Variants in CNOT2 observed in about 807,000 individuals in gnomAD.
The protein encoded by CNOT2 is CC chemokine receptor 4-negative regulator of transcription 2.
Under a neutral mutation model 72.1 loss-of-function variants are expected in CNOT2, and 7 were observed. The observed-to-expected ratio is 0.10, with a 90% CI of 0.06 to 0.18. The LOEUF (loss-of-function observed/expected upper bound fraction) is 0.18, where lower values mean the gene tolerates loss of function less well. Among genes scored for constraint, CNOT2 ranks in the 10% least tolerant of loss-of-function variants. The pLI is 1.00. For missense variants in CNOT2, 345 were observed against 660.3 expected (o/e 0.52, Z 5.23); for synonymous variants, 196 against 225.6 (o/e 0.87, Z 1.17).
intron 2 of CNOT2, among the ~76,000 whole-genome samples, chr12:70,310,617 T>A (rs1047343064): frequency 6.6e-6 from 1 of 152,072 alleles, no homozygotes; most frequent in Admixed American, 6.6e-5. Context: ...TATTGGCCAT[T>A]TTTGAAGAGT....
At chr12:70,343,488 A>G (rs1223080284) in intron 13 of CNOT2, among the ~76,000 whole-genome samples, 1 of 152,202 alleles carries the variant, frequency 6.6e-6, no homozygotes, top group African/African-American at 2.4e-5. Context: ...TATTTAAACA[A>G]ACTGAAAAGC....
rs189596966 is a variant in CNOT2, at chr12:70,354,782, C to T, written c.*867C>T. Reference sequence around the variant, plus strand: ...GGAACTGCTGGTCAGGGGACTTTGTCGCCCTGTGCACTAAAAGGGCCAGAT... The same window carrying T: ...GGAACTGCTGGTCAGGGGACTTTGTTGCCCTGTGCACTAAAAGGGCCAGAT... On this transcript the variant is annotated 3_prime_UTR_variant, in exon 16 of 16. Coordinates refer to ENST00000229195, the MANE Select transcript of CNOT2 (RefSeq NM_014515.7). 2.0e-5 allele frequency: 3 copies of T among 152,586 alleles called. No homozygotes were observed. Among genetic ancestry groups the T allele is most frequent in the East Asian group, 1.9e-4 (1 of 5,166 alleles). The allele number at this position is 152,586 out of a possible 1,614,324, so 9.5% of individuals were successfully genotyped here. A position where few individuals can be genotyped will look rare whatever the true frequency, so the allele number is the denominator to read the frequency against.
intron 1 of CNOT2, among the ~76,000 whole-genome samples, chr12:70,260,863 T>G (rs1958712726): frequency 6.6e-6 from 1 of 151,988 alleles, no homozygotes; most frequent in Non-Finnish European, 1.5e-5. Flanking sequence ...ATTTTTTTTT[T>G]TTTTGCCTAA....
intron 4 of CNOT2, among the ~76,000 whole-genome samples, chr12:70,326,152 GTGTTGT>G (rs141459144): frequency 6.6e-5 from 10 of 151,736 alleles, no homozygotes; most frequent in Admixed American, 6.6e-4. Context: ...TCCTAATATT[GTGTTGT>G]TATTATCAAT....
At chr12:70,259,083 A>G (rs538100824) in intron 1 of CNOT2, among the ~76,000 whole-genome samples, 17 of 152,310 alleles carry the variant, frequency 1.1e-4, no homozygotes, top group Non-Finnish European at 2.5e-4. Flanking sequence ...TTCCCATTTT[A>G]CAGTTGAGTA....
chr12:70,303,868 C>G (rs1874634407), intron 2 of CNOT2, among the ~76,000 whole-genome samples: 1 of 152,152 alleles, frequency 6.6e-6, no homozygotes, highest in African/African-American at 2.4e-5. Flanking sequence ...TAGATTTGGT[C>G]TTTTCACATA....
chr12:70,347,914 G>A (rs1882400696), intron 15 of CNOT2: 1 of 152,150 alleles, frequency 6.6e-6, no homozygotes, highest in Admixed American at 6.5e-5. Flanking sequence ...TGCTTTTTAA[G>A]ATATGTAGTA....
At chr12:70,353,370 C>T (rs899385967) in intron 15 of CNOT2, among the ~76,000 whole-genome samples, 13 of 152,092 alleles carry the variant, frequency 8.5e-5, no homozygotes, top group South Asian at 2.1e-4. Context: ...CCACTGTGCG[C>T]GGCCCTGCTT....
intron 2 of CNOT2, among the ~76,000 whole-genome samples, chr12:70,304,071 TCTCTGC>T (rs2135930168): frequency 6.6e-6 from 1 of 152,336 alleles, no homozygotes; most frequent in South Asian, 2.1e-4. Context: ...TTTAAGGACT[TCTCTGC>T]ATTGGTTATT....
chr12:70,271,375 CTTTTTTTTTTT>C (rs11285130), intron 1 of CNOT2, among the ~76,000 whole-genome samples: 1 of 89,480 alleles, frequency 1.1e-5, no homozygotes, highest in African/African-American at 4.2e-5. Context: ...ATCACATTTC[CTTTTTTTTTTT>C]TTTTTTTTTT....
intron 2 of CNOT2, among the ~76,000 whole-genome samples, chr12:70,310,232 G>T (rs1264516105): frequency 6.6e-6 from 1 of 151,992 alleles, no homozygotes; most frequent in African/African-American, 2.4e-5. Flanking sequence ...GATAGCAAGT[G>T]ACAACAATTT....
intron 2 of CNOT2, among the ~76,000 whole-genome samples, chr12:70,289,853 G>C (rs1023264602): frequency 8.6e-5 from 13 of 151,104 alleles, no homozygotes; most frequent in African/African-American, 2.9e-4. Flanking sequence ...CTCATTATCT[G>C]TTCTCTTTTA....
At chr12:70,271,531 G>C (rs989891734) in intron 1 of CNOT2, among the ~76,000 whole-genome samples, 1 of 151,758 alleles carries the variant, frequency 6.6e-6, no homozygotes, top group Non-Finnish European at 1.5e-5. Context: ...CCACCATCAC[G>C]CCTGGCTAAT....
At chr12:70,305,338 C>T (rs1875074144) in intron 2 of CNOT2, among the ~76,000 whole-genome samples, 1 of 152,132 alleles carries the variant, frequency 6.6e-6, no homozygotes, top group African/African-American at 2.4e-5. Context: ...TATTCACAAT[C>T]ATGAGAACAG....
At chr12:70,346,529 G>T in intron 15 of CNOT2, 1 of 398,332 alleles carries the variant, frequency 2.5e-6, no homozygotes. Context: ...TATTGAATTT[G>T]GTAAGAGGTT....
At chr12:70,300,650 G>A (rs914714668) in intron 2 of CNOT2, among the ~76,000 whole-genome samples, 1 of 152,160 alleles carries the variant, frequency 6.6e-6, no homozygotes, top group Non-Finnish European at 1.5e-5. Context: ...AAGTCAGGTA[G>A]CGTGATGCCT....
chr12:70,302,837 T>C (rs199895380), intron 2 of CNOT2, among the ~76,000 whole-genome samples: 2 of 152,222 alleles, frequency 1.3e-5, no homozygotes, highest in African/African-American at 4.8e-5. Context: ...CCCATTATTA[T>C]TGTGTGGGAG....
intron 2 of CNOT2, among the ~76,000 whole-genome samples, chr12:70,300,513 A>G (rs1464857088): frequency 2.6e-5 from 4 of 152,188 alleles, no homozygotes. Context: ...CAGGTTTGTC[A>G]AAGATCAGAT....
chr12:70,321,104 G>A (rs1347935052), intron 4 of CNOT2, among the ~76,000 whole-genome samples: 2 of 151,824 alleles, frequency 1.3e-5, no homozygotes, highest in Non-Finnish European at 2.9e-5. Context: ...TTCCATTGGA[G>A]TTCAGTATAT....
Sources: gnomAD v4.1 joint callset for allele counts (sites outside exome capture counted in the v4.1 genomes callset) on GRCh38, gnomAD v4.1.1 for gene constraint, MANE v1.5 for transcripts, NCBI Gene and HGNC (gene_info 2026-07-23, HGNC 2026-07-21) for gene names.